GPHN: variants seen among roughly 807,000 people sequenced by gnomAD.
The protein encoded by GPHN is gephyrin.
In GPHN, 17 loss-of-function variants were observed where a neutral mutation model predicts 95.5. The ratio of observed to expected loss-of-function variants is 0.18; its 90% CI spans 0.12 to 0.27. The LOEUF (loss-of-function observed/expected upper bound fraction) is 0.27, where lower values mean the gene tolerates loss of function less well. GPHN is among the 10% of genes least tolerant of loss of function. The pLI, the probability that GPHN is intolerant of heterozygous loss-of-function variation, is 1.00. For missense variants in GPHN, 660 were observed against 978.1 expected (o/e 0.67, Z 4.34); for synonymous variants, 320 against 322.5 (o/e 0.99, Z 0.08).
At chr14:67,223,336 C>G in the GPHN span, among the ~76,000 whole-genome samples, 2 of 152,226 alleles carry the variant, frequency 1.3e-5, no homozygotes, top group East Asian at 1.9e-4. Flanking sequence ...ATGAGATGAA[C>G]TTCACTGTAA....
At chr14:67,012,847 A>C (rs1164994654) in intron 9 of GPHN, among the ~76,000 whole-genome samples, 3 of 152,122 alleles carry the variant, frequency 2.0e-5, no homozygotes, top group African/African-American at 7.2e-5. Flanking sequence ...AATGATACTT[A>C]TTCAGAGAAG....
chr14:66,892,947 A>G (rs1459293914), intron 5 of GPHN, among the ~76,000 whole-genome samples: 1 of 152,206 alleles, frequency 6.6e-6, no homozygotes. Flanking sequence ...AGGAAATGCA[A>G]CATACATAAA....
At chr14:67,619,884 G>A in the GPHN span, 2 of 845,954 alleles carry the variant, frequency 2.4e-6, no homozygotes, top group Admixed American at 3.6e-5. Flanking sequence ...GGACGCTGGC[G>A]CGGGTAGGTA....
At chr14:67,630,754 A>G in the GPHN span, among the ~76,000 whole-genome samples, 1 of 151,810 alleles carries the variant, frequency 6.6e-6, no homozygotes, top group Non-Finnish European at 1.5e-5. Context: ...AATTTTTTGT[A>G]TTTTTAGTAG....
At chr14:66,774,828 A>T (rs898130966) in intron 2 of GPHN, among the ~76,000 whole-genome samples, 2 of 152,182 alleles carry the variant, frequency 1.3e-5, no homozygotes, top group Non-Finnish European at 2.9e-5. Context: ...AAAACATTTT[A>T]AAAATATAGC....
chr14:67,416,560 C>T, the GPHN span, among the ~76,000 whole-genome samples: 4 of 152,344 alleles, frequency 2.6e-5, no homozygotes, highest in Admixed American at 6.5e-5. Flanking sequence ...TTGCCTAATT[C>T]GTGGCTATGC....
intron 2 of GPHN, among the ~76,000 whole-genome samples, chr14:66,758,285 G>A (rs760077711): frequency 3.3e-5 from 5 of 152,160 alleles, no homozygotes; most frequent in Admixed American, 6.5e-5. Context: ...GGATTTCACA[G>A]GGGACCCACC....
At chr14:66,937,415 T>C (rs1207070851) in intron 8 of GPHN, among the ~76,000 whole-genome samples, 1 of 151,634 alleles carries the variant, frequency 6.6e-6, no homozygotes, top group African/African-American at 2.4e-5. Flanking sequence ...TGAGTCTCCT[T>C]CTGTCGCCAG....
chr14:67,354,749 A>G, the GPHN span, among the ~76,000 whole-genome samples: 1 of 152,222 alleles, frequency 6.6e-6, no homozygotes, highest in Non-Finnish European at 1.5e-5. Context: ...GTTACCTTTG[A>G]TAAATGGGAC....
chr14:67,204,125 T>C, the GPHN span, among the ~76,000 whole-genome samples: 1 of 152,128 alleles, frequency 6.6e-6, no homozygotes, highest in Non-Finnish European at 1.5e-5. Context: ...TGAGTCTCAC[T>C]CTTCAAACTA....
At chr14:67,404,401 T>C in the GPHN span, among the ~76,000 whole-genome samples, 99 of 151,890 alleles carry the variant, frequency 6.5e-4, 1 homozygote, top group Middle Eastern at 0.01. Flanking sequence ...GGCAGGAGGA[T>C]TGCCCACGCC....
chr14:67,029,628 C>T (rs1223354530), intron 10 of GPHN, among the ~76,000 whole-genome samples: 2 of 152,224 alleles, frequency 1.3e-5, no homozygotes, highest in South Asian at 2.1e-4. Flanking sequence ...TGAGCCACTG[C>T]GCCCAGCCTT....
At chr14:66,931,312 A>C in intron 8 of GPHN, among the ~76,000 whole-genome samples, 1 of 152,114 alleles carries the variant, frequency 6.6e-6, no homozygotes, top group East Asian at 1.9e-4. Flanking sequence ...CTTGATTATT[A>C]AGTGTCTTGA....
chr14:66,826,578 T>C (rs887530536), intron 4 of GPHN, among the ~76,000 whole-genome samples: 45 of 152,108 alleles, frequency 3.0e-4, no homozygotes, highest in Middle Eastern at 3.4e-3. Flanking sequence ...CCAAACCGCG[T>C]CCCCCACCCC....
At chr14:67,694,436 A>ATATATATATATACACATATATATGTG in the GPHN span, among the ~76,000 whole-genome samples, 2 of 136,816 alleles carry the variant, frequency 1.5e-5, no homozygotes, top group African/African-American at 5.2e-5. Context: ...CCTGGAATAT[A>ATATATATATATACACATATATATGTG]TATATATATA....
chr14:66,900,887 T>C (rs771266474), intron 5 of GPHN, among the ~76,000 whole-genome samples: 1 of 152,056 alleles, frequency 6.6e-6, no homozygotes, highest in Non-Finnish European at 1.5e-5. Flanking sequence ...TGATTTCCCT[T>C]CTTTTGGATA....
chr14:66,883,772 TTTAGGAG>T, intron 5 of GPHN, among the ~76,000 whole-genome samples: 1 of 152,208 alleles, frequency 6.6e-6, no homozygotes, highest in South Asian at 2.1e-4. Context: ...ACATGAATGA[TTTAGGAG>T]TTAGTTTGAG....
At chr14:67,585,346 G>A in the GPHN span, 1 of 533,532 alleles carries the variant, frequency 1.9e-6, no homozygotes, top group Non-Finnish European at 3.4e-6. Context: ...CTTTGAGATG[G>A]TTAGTAGGTG....
chr14:67,671,259 C>T, the GPHN span, among the ~76,000 whole-genome samples: 1 of 152,286 alleles, frequency 6.6e-6, no homozygotes, highest in South Asian at 2.1e-4. Context: ...GGCGCAGTGG[C>T]TCACACCTGT....
Sources: gnomAD v4.1 joint callset for allele counts (sites outside exome capture counted in the v4.1 genomes callset) on GRCh38, gnomAD v4.1.1 for gene constraint, MANE v1.5 for transcripts, NCBI Gene and HGNC (gene_info 2026-07-23, HGNC 2026-07-21) for gene names.